AURKA: variants seen among roughly 807,000 people sequenced by gnomAD.
AURKA encodes the protein aurora kinase A, also known as aurora 2.
In AURKA, 12 loss-of-function variants were observed where a neutral mutation model predicts 40.9. The ratio of observed to expected loss-of-function variants is 0.29; its 90% CI spans 0.19 to 0.48. The LOEUF (loss-of-function observed/expected upper bound fraction) is 0.48. Ranked by LOEUF, AURKA falls within the 20% of genes least tolerant of loss-of-function variation. The probability of loss-of-function intolerance (pLI) is 0.99; values close to 1 mark genes in which losing one functional copy is unlikely to be tolerated. For missense variants in AURKA, 322 were observed against 462.1 expected, an observed-to-expected ratio of 0.70 and a Z score of 2.78; for synonymous variants, 170 against 164.3, an observed-to-expected ratio of 1.03 and a Z score of -0.26.
In AURKA at chr20:56,373,433, AC is replaced by A; in HGVS notation, c.828del (p.Trp277GlyfsTer24). The A allele has an allele frequency of 6.2e-7, 1 of 1,613,922 alleles. No individual in the cohort carries two copies. Among genetic ancestry groups the A allele is most frequent in the Non-Finnish European group, 8.5e-7 (1 of 1,180,030 alleles). On this transcript the variant is annotated frameshift_variant, in exon 7 of 9. Coordinates refer to ENST00000395915, the MANE Select transcript of AURKA (RefSeq NM_198437.3). LOFTEE classifies it high-confidence loss of function. The surrounding 1 kb of genome is among the most constrained non-coding windows in gnomAD (Gnocchi z 5.0). ...CTGGAAGATGGAGCATGTACTGACCACCCAAAATCTGCAATTTTAAGCTCTC... is the reference window on the plus strand; with the variant it reads ...CTGGAAGATGGAGCATGTACTGACCACCAAAATCTGCAATTTTAAGCTCTC... ...SAGELKIADFGWSVHAPSSRR... is the reference protein window; with the variant it reads ...SAGELKIADFXWSVHAPSSRR...
chr20:56,375,252 C>T (rs922967666), intron 6 of AURKA, among the ~76,000 whole-genome samples: 5 of 151,766 alleles, frequency 3.3e-5, no homozygotes, highest in African/African-American at 1.2e-4. Flanking sequence ...AGCCTCCTTC[C>T]GAGTAGCTGG....
chr20:56,373,296 C>A lies in AURKA; in HGVS notation c.854+112G>T. On this transcript the variant is annotated intron_variant, in intron 7 of 8. Coordinates refer to ENST00000395915, the MANE Select transcript of AURKA (RefSeq NM_198437.3). The surrounding 1 kb of genome is among the most constrained non-coding windows in gnomAD (Gnocchi z 5.0). ...TACTCCAAAGTACTTCTGGGTTAGC[C>A]ACCTACCCCTCTTACAGCACAAAAT... is the stretch of plus-strand genomic sequence containing the variant. 1 of 1,466,074 alleles carries A rather than the reference C, an allele frequency of 6.8e-7. No individual in the cohort carries two copies. Among genetic ancestry groups the A allele is most frequent in the Non-Finnish European group, 9.5e-7 (1 of 1,050,826 alleles). 90.8% of individuals were successfully genotyped at this position (1,466,074 alleles called of 1,614,324 possible).
chr20:56,376,395 T>G (rs903316545), intron 6 of AURKA, among the ~76,000 whole-genome samples: 1 of 152,212 alleles, frequency 6.6e-6, no homozygotes, highest in Non-Finnish European at 1.5e-5. Flanking sequence ...TAGAGATCTA[T>G]TTCTACTTAG....
chr20:56,380,986 A>G (rs996882767), intron 6 of AURKA, among the ~76,000 whole-genome samples: 3 of 152,162 alleles, frequency 2.0e-5, no homozygotes, highest in Non-Finnish European at 4.4e-5. Flanking sequence ...ATTTCTGTAA[A>G]TCTAAAACTA....
intron 1 of AURKA, among the ~76,000 whole-genome samples, chr20:56,389,243 C>T (rs898587310): frequency 2.6e-5 from 4 of 152,158 alleles, no homozygotes; most frequent in African/African-American, 9.7e-5. Context: ...ACACCTTCAC[C>T]AGGGATCCAT....
At position 56,369,567 on chromosome 20, in the gene AURKA, A is replaced by G. The variant is rs1983820088; in HGVS notation, c.*591T>C. 8.0e-6 allele frequency: 2 copies of G among 250,334 alleles called. No homozygotes were observed. The highest frequency in any genetic ancestry group is 1.6e-5 in the Non-Finnish European group (2 of 126,552). 15.5% of individuals were successfully genotyped at this position (250,334 alleles called of 1,614,324 possible). A position where few individuals can be genotyped will look rare whatever the true frequency, so the allele number is the denominator to read the frequency against. On this transcript the variant is annotated 3_prime_UTR_variant, in exon 9 of 9. Coordinates refer to ENST00000395915, the MANE Select transcript of AURKA (RefSeq NM_198437.3). ...TTTTTCACACTCTCATATGGGAGAT[A>G]AGTGGTTAAGGAGGACTAGAAACCC... is the stretch of plus-strand genomic sequence containing the variant.
chr20:56,379,671 G>T (rs1440600626), intron 6 of AURKA, among the ~76,000 whole-genome samples: 9 of 152,112 alleles, frequency 5.9e-5, no homozygotes. Context: ...AGAAAGTAAG[G>T]AAGTACAAGG....
chr20:56,370,178 A>AT lies in AURKA; in HGVS notation c.1191dup (p.Ser398IlefsTer3). 2 of 1,612,866 alleles carry AT rather than the reference A, an allele frequency of 1.2e-6. No homozygotes were observed. On this transcript the variant is annotated frameshift_variant, in exon 9 of 9. Transcript: ENST00000395915. LOFTEE classifies it high-confidence loss of function. ...GATTCCTAAGACTGTTTGCTAGCTGATTCTTTGTTTTGGCAATTTGATGGT... is the reference window on the plus strand; with the variant it reads ...GATTCCTAAGACTGTTTGCTAGCTGATTTCTTTGTTTTGGCAATTTGATGGT...
rs1390290914 is a variant in AURKA, at chr20:56,369,930, T to C, written c.*228A>G. 1 of 635,448 alleles carries C rather than the reference T, an allele frequency of 1.6e-6. No individual in the cohort carries two copies. The highest frequency in any genetic ancestry group is 2.8e-6 in the Non-Finnish European group (1 of 354,700). The allele number at this position is 635,448 out of a possible 1,614,324, so 39.4% of individuals were successfully genotyped here. A position where few individuals can be genotyped will look rare whatever the true frequency, so the allele number is the denominator to read the frequency against. On this transcript the variant is annotated 3_prime_UTR_variant, in exon 9 of 9. Coordinates refer to ENST00000395915, the MANE Select transcript of AURKA (RefSeq NM_198437.3). ...ACCTTGCCTCCAGATTATGAACCAG[T>C]ATAAGTAGCACAATTCTCGTGGCTA... is the stretch of plus-strand genomic sequence containing the variant.
In AURKA at chr20:56,370,590, C is replaced by A; in HGVS notation, c.924G>T (p.Glu308Asp). The A allele has an allele frequency of 6.2e-7, 1 of 1,614,224 alleles. No individual in the cohort carries two copies. The highest frequency in any genetic ancestry group is 1.1e-5 in the South Asian group (1 of 91,086). The stretch of plus-strand genomic sequence containing the variant: ...CTCCAAGGCTCCAGAGATCCACCTT[C>A]TCATCATGCATCCGACCTTCAATCA... ...PEMIEGRMHDEKVDLWSLGVL... is the reference protein window; with the variant it reads ...PEMIEGRMHDDKVDLWSLGVL... Residue 308 changes from glutamate (E) to aspartate (D), a missense_variant, in exon 8 of 9, where the codon GAG becomes GAT. Physicochemically the swap from Glu to Asp is conservative, Grantham distance 45. Transcript: ENST00000395915.
chr20:56,382,419 A>G (rs1425317696), intron 5 of AURKA, among the ~76,000 whole-genome samples: 1 of 152,170 alleles, frequency 6.6e-6, no homozygotes, highest in East Asian at 1.9e-4. Flanking sequence ...TTGAAGTATT[A>G]GCATCTGATT....
intron 6 of AURKA, among the ~76,000 whole-genome samples, chr20:56,380,017 C>T (rs1244878986): frequency 6.8e-6 from 1 of 148,034 alleles, no homozygotes; most frequent in South Asian, 2.2e-4. Context: ...AAAAACCACA[C>T]ACACGCAAGA....
intron 6 of AURKA, among the ~76,000 whole-genome samples, chr20:56,378,504 C>T (rs1226970493): frequency 2.6e-5 from 4 of 152,136 alleles, no homozygotes; most frequent in African/African-American, 9.7e-5. Flanking sequence ...TATAGTCTTA[C>T]CGTATGAGCT....
At chr20:56,385,807 A>G (rs1233914196) in intron 3 of AURKA, among the ~76,000 whole-genome samples, 1 of 152,124 alleles carries the variant, frequency 6.6e-6, no homozygotes, top group Non-Finnish European at 1.5e-5. Flanking sequence ...CTGAGTTCAA[A>G]AAAGCTTCAG....
chr20:56,383,904 A>G (rs1352563720), intron 4 of AURKA, among the ~76,000 whole-genome samples: 1 of 152,228 alleles, frequency 6.6e-6, no homozygotes, highest in African/African-American at 2.4e-5. Flanking sequence ...ATATGAGTAT[A>G]TAGTTCTGCA....
chr20:56,389,561 C>T (rs750127222), intron 1 of AURKA, among the ~76,000 whole-genome samples: 5 of 152,136 alleles, frequency 3.3e-5, no homozygotes, highest in Non-Finnish European at 7.3e-5. Context: ...GCTGAGGACT[C>T]CCAAATATTC....
chr20:56,381,981 T>C (rs765456713), intron 5 of AURKA, among the ~76,000 whole-genome samples: 35 of 152,016 alleles, frequency 2.3e-4, no homozygotes, highest in Non-Finnish European at 1.9e-4. Flanking sequence ...CTGGCCAACA[T>C]GGTGAAACCT....
intron 6 of AURKA, among the ~76,000 whole-genome samples, chr20:56,379,818 C>T (rs576457427): frequency 4.6e-4 from 70 of 151,572 alleles, no homozygotes; most frequent in African/African-American, 1.6e-3. Context: ...AAAAATGAGC[C>T]GGGTGTGGTG....
At chr20:56,386,134 T>C in intron 3 of AURKA, 123 bp downstream of exon 3, 1 of 1,384,948 alleles carries the variant, frequency 7.2e-7, no homozygotes, top group Non-Finnish European at 1.0e-6. Context: ...CACCATATTT[T>C]CTCCCCATCC....
Sources: allele counts gnomAD v4.1 joint callset (sites outside exome capture counted in the v4.1 genomes callset), GRCh38; gene constraint gnomAD v4.1.1; non-coding constraint Gnocchi (gnomAD v3.1); transcripts MANE v1.5; gene names NCBI Gene and HGNC (gene_info 2026-07-23, HGNC 2026-07-21).